The following DDB1 variants were observed in gnomAD, a reference collection of about 807,000 sequenced individuals.
DDB1 encodes DNA damage-binding protein 1.
Under a neutral mutation model 133.1 loss-of-function variants are expected in DDB1, and 18 were observed. The ratio of observed to expected loss-of-function variants is 0.14; its 90% confidence interval spans 0.09 to 0.20. The LOEUF is 0.20. Among genes scored for constraint, DDB1 ranks in the 10% least tolerant of loss-of-function variants. The pLI, the probability that DDB1 is intolerant of heterozygous loss-of-function variation, is 1.00. For missense variants in DDB1, 828 were observed against 1,459.2 expected (o/e 0.57, Z 7.05); for synonymous variants, 580 against 550.5 (o/e 1.05, Z -0.75).
chr11:61,316,301 T>C lies in DDB1; in HGVS notation c.1394A>G (p.His465Arg). ...QQTFFCGNVA[H>R]QQLIQITSAS... Reference sequence around the variant, plus strand: ...AGTTATCACCTGGATAAGCTGCTGATGAGCCACGTTGCCACAGAAGAAAGT... The same window carrying C: ...AGTTATCACCTGGATAAGCTGCTGACGAGCCACGTTGCCACAGAAGAAAGT... The change falls in exon 12 of 27, where the codon CAT becomes CGT. Residue 465 changes from histidine (H) to arginine (R), a missense_variant. Physicochemically the swap from His to Arg is conservative, Grantham distance 29 (BLOSUM62 0). Transcript: ENST00000301764. 2 of 1,614,054 alleles carry C rather than the reference T, an allele frequency of 1.2e-6. No homozygotes were observed. Among genetic ancestry groups the C allele is most frequent in the Non-Finnish European group, 1.7e-6 (2 of 1,179,888 alleles).
chr11:61,309,719 C>T (rs1489791244), intron 20 of DDB1, 77 bp downstream of exon 20: 2 of 1,499,706 alleles, frequency 1.3e-6, no homozygotes, highest in Non-Finnish European at 9.1e-7. Flanking sequence ...AACTGAGGCT[C>T]TCTGAAACCT....
In DDB1 at chr11:61,322,372, G is replaced by C. The variant is rs756573831; in HGVS notation, c.1046C>G (p.Ala349Gly). 1.2e-6 allele frequency: 2 copies of C among 1,614,134 alleles called. No individual in the cohort carries two copies. Among genetic ancestry groups the C allele is most frequent in the Non-Finnish European group, 1.7e-6 (2 of 1,180,020 alleles). The change falls in exon 9 of 27, where the codon GCC (alanine) becomes GGC (glycine). Residue 349 changes from alanine to glycine, a missense_variant. By Grantham distance (60) the Ala-to-Gly change is moderately conservative. This residue lies in a region of DDB1 where 35 missense variants were observed against 123.3 expected (regional missense o/e 0.28). Coordinates refer to ENST00000301764, the MANE Select transcript of DDB1 (RefSeq NM_001923.5). ...DSNEQGSYVVAMETFTNLGPI... is the reference protein window; with the variant it reads ...DSNEQGSYVVGMETFTNLGPI... ...TCCTAAGTTGGTAAAGGTTTCCATG[G>C]CCACTACATAGGAGCCTTGTTCATT...
At position 61,303,924 on chromosome 11, in the gene DDB1, C is replaced by T; in HGVS notation, c.2773G>A (p.Asp925Asn). The T allele has an allele frequency of 6.2e-7, 1 of 1,613,962 alleles. No homozygotes were observed. The change falls in exon 22 of 27, where the codon GAC becomes AAC. Residue 925 changes from aspartate (D) to asparagine (N), a missense_variant. Coordinates refer to ENST00000301764, the MANE Select transcript of DDB1 (RefSeq NM_001923.5). ...AGCAGCAGCACTGAGCGCATAAGGT[C>T]GCCCACCAGGATGAAGTCGCCCTTG... is the stretch of plus-strand genomic sequence containing the variant. ...KTKGDFILVG[D>N]LMRSVLLLAY...
Position 61,316,593 on chromosome 11 carries a change from T to G in DDB1, c.1226-26A>C, listed in dbSNP as rs533441217. The stretch of plus-strand genomic sequence containing the variant: ...CTGGAACAAGGACCAAGGATTCAGA[T>G]GCATAGGACAGACCAACACTTAGCA... On this transcript the variant is annotated intron_variant, in intron 10 of 26. Coordinates refer to ENST00000301764, the MANE Select transcript of DDB1 (RefSeq NM_001923.5). 2.1e-5 allele frequency: 34 copies of G among 1,612,846 alleles called. 1 individual carries two copies. In the South Asian group the frequency reaches 3.6e-4, roughly 17 times the overall value.
Position 61,310,561 on chromosome 11 carries a change from G to GA in DDB1, c.2278-144dup, listed in dbSNP as rs573926742. The GA allele has an allele frequency of 1.9e-4, 177 of 949,078 alleles. No individual in the cohort carries two copies. In the African/African-American group the frequency reaches 2.6e-3, roughly 14 times the overall value. 58.8% of individuals were successfully genotyped at this position (949,078 alleles called of 1,614,324 possible). A position where few individuals can be genotyped will look rare whatever the true frequency, so the allele number is the denominator to read the frequency against. On this transcript the variant is annotated intron_variant, in intron 18 of 26. Transcript: ENST00000301764. ...TGGCTGGCAGCTCAAGGAGCCTGAG[G>GA]AGAGTGTTTCAGAGGAGGCATGTAG...
intron 3 of DDB1, among the ~76,000 whole-genome samples, 177 bp from the exon 4 acceptor site, chr11:61,329,761 A>C (rs1856334720): frequency 6.6e-6 from 1 of 152,222 alleles, no homozygotes; most frequent in Non-Finnish European, 1.5e-5. Flanking sequence ...GAAACACTGA[A>C]TCTCAATGAA....
chr11:61,316,470 C>A (rs372653438), intron 11 of DDB1, 22 bp downstream of exon 11: 8 of 1,614,154 alleles, frequency 5.0e-6, no homozygotes, highest in Non-Finnish European at 5.9e-6. Flanking sequence ...GCACCTACAG[C>A]TGGCACTAGA....
intron 16 of DDB1, 67 bp downstream of exon 16, chr11:61,313,432 G>A: frequency 7.0e-7 from 1 of 1,425,180 alleles, no homozygotes; most frequent in South Asian, 1.2e-5. Context: ...TTGAGGTAAG[G>A]GTTTGAGGAA....
At chr11:61,324,198 C>A in intron 6 of DDB1, 61 bp from the exon 7 acceptor site, 1 of 1,589,492 alleles carries the variant, frequency 6.3e-7, no homozygotes, top group Non-Finnish European at 8.6e-7. Context: ...GAAAACAAAC[C>A]CTACTGGACC....
chr11:61,328,801 C>T (rs1423535610), intron 4 of DDB1, among the ~76,000 whole-genome samples: 1 of 151,838 alleles, frequency 6.6e-6, no homozygotes, highest in Non-Finnish European at 1.5e-5. Flanking sequence ...AACCAGGAGG[C>T]GGAGGTTGCA....
chr11:61,308,811 G>A (rs753776476), intron 21 of DDB1, among the ~76,000 whole-genome samples, 172 bp downstream of exon 21: 1 of 152,152 alleles, frequency 6.6e-6, no homozygotes, highest in Non-Finnish European at 1.5e-5. Context: ...AGTCTAATGC[G>A]TGGTTCAACC....
In DDB1 at chr11:61,333,021, A is replaced by G. The variant is rs1053904; in HGVS notation, c.-53T>C. 1.5e-5 allele frequency: 22 copies of G among 1,432,936 alleles called. No homozygotes were observed. The East Asian group carries it at 6.2e-4, about 40-fold the overall frequency. 88.8% of individuals were successfully genotyped at this position (1,432,936 alleles called of 1,614,324 possible). A position where few individuals can be genotyped will look rare whatever the true frequency, so the allele number is the denominator to read the frequency against. On this transcript the variant is annotated 5_prime_UTR_variant, in exon 1 of 27. Transcript: ENST00000301764. ...CTCGAGCGCGACACTAGAAAGAGGGACACAAGCGAAAAGACAGGTGGCCCC... is the reference window on the plus strand; with the variant it reads ...CTCGAGCGCGACACTAGAAAGAGGGGCACAAGCGAAAAGACAGGTGGCCCC...
Position 61,302,774 on chromosome 11 carries a change from C to G in DDB1, c.2943-23G>C, listed in dbSNP as rs371365858. 25 of 1,613,760 alleles carry G rather than the reference C, an allele frequency of 1.5e-5. No individual in the cohort carries two copies. In the African/African-American group the frequency reaches 2.9e-4, roughly 19 times the overall value. The stretch of plus-strand genomic sequence containing the variant: ...GCGCTGAAAGGCGGTAAGAAAGTCA[C>G]TTTCTGAACCTCCTGTTTCCACCAC... On this transcript the variant is annotated intron_variant, in intron 23 of 26. Coordinates refer to ENST00000301764, the MANE Select transcript of DDB1 (RefSeq NM_001923.5).
Position 61,312,016 on chromosome 11 carries a change from C to A in DDB1, c.2138G>T (p.Arg713Leu). 1 of 1,614,224 alleles carries A rather than the reference C, an allele frequency of 6.2e-7. No homozygotes were observed. Among genetic ancestry groups the A allele is most frequent in the Non-Finnish European group, 8.5e-7 (1 of 1,180,040 alleles). ...TIDEIQKLHI[R>L]TVPLYESPRK... Reference sequence around the variant, plus strand: ...TGGAGACTCATAGAGGGGAACTGTGCGAATGTGCAGCTTCTGGATCTCATC... The same window carrying A: ...TGGAGACTCATAGAGGGGAACTGTGAGAATGTGCAGCTTCTGGATCTCATC... The change falls in exon 17 of 27, where the codon CGC becomes CTC. Residue 713 changes from arginine to leucine, a missense_variant. Physicochemically the swap from Arg to Leu is moderately radical, Grantham distance 102. Around this residue, in one of 7 missense-constraint regions of DDB1, gnomAD observed 396 missense variants for 554.1 expected, o/e 0.71. Transcript: ENST00000301764.
At chr11:61,304,144 C>T (rs1393517122) in intron 21 of DDB1, 109 bp from the exon 22 acceptor site, 29 of 1,247,860 alleles carry the variant, frequency 2.3e-5, no homozygotes, top group African/African-American at 4.5e-5. Flanking sequence ...AAGTGCAATG[C>T]GGGACAGGAA....
intron 23 of DDB1, 70 bp downstream of exon 23, chr11:61,302,976 T>C: frequency 7.0e-7 from 1 of 1,436,396 alleles, no homozygotes; most frequent in Non-Finnish European, 9.8e-7. Context: ...CAGAACCCAA[T>C]GCTTGCATCC....
chr11:61,304,376 T>C (rs1444950114), intron 21 of DDB1, among the ~76,000 whole-genome samples: 3 of 151,454 alleles, frequency 2.0e-5, no homozygotes, highest in Non-Finnish European at 4.4e-5. Context: ...GCACAAGAAT[T>C]GCATGAACCC....
chr11:61,325,526 C>T, intron 6 of DDB1, 85 bp downstream of exon 6: 3 of 1,169,702 alleles, frequency 2.6e-6, no homozygotes, highest in Non-Finnish European at 2.5e-6. Flanking sequence ...TGTGAATCTC[C>T]TTTTGATAAA....
chr11:61,313,401 T>C, intron 16 of DDB1, 98 bp downstream of exon 16: 1 of 1,130,898 alleles, frequency 8.8e-7, no homozygotes, highest in Non-Finnish European at 1.3e-6. Context: ...TCAGTTATGA[T>C]TTTGACACCG....
Sources: allele counts gnomAD v4.1 joint callset (sites outside exome capture counted in the v4.1 genomes callset), GRCh38; gene constraint gnomAD v4.1.1; regional missense constraint gnomAD v4.1.1; transcripts MANE v1.5; gene names NCBI Gene and HGNC (gene_info 2026-07-23, HGNC 2026-07-21).